The following TTN variants were observed in gnomAD, a reference collection of about 807,000 sequenced individuals.
TTN encodes titin, also known as connectin.
A neutral mutation model predicts 3,223.0 loss-of-function variants in TTN; 1,525 were observed. That is an observed-to-expected ratio of 0.47 (90% CI 0.45 to 0.49). The LOEUF is 0.49. Ranked by LOEUF, TTN falls within the 20% of genes least tolerant of loss-of-function variation. TTN has a pLI of 0.00. For missense variants in TTN, 40,786 were observed against 43,424.0 expected, an observed-to-expected ratio of 0.94 and a Z score of 5.40; for synonymous variants, 14,094 against 15,161.0, an observed-to-expected ratio of 0.93 and a Z score of 5.17.
intron 245 of TTN, 41 bp from the exon 246 acceptor site, chr2:178,621,409 T>C (rs775312930): frequency 6.2e-7 from 1 of 1,607,428 alleles, no homozygotes; most frequent in African/African-American, 1.3e-5. Context: ...ACATATGTCT[T>C]TGTACTTTAA....
rs1369481538 is a variant in TTN, at chr2:178,670,308, T to C, written c.35309-13A>G. On this transcript the variant is annotated splice_polypyrimidine_tract_variant and intron_variant, in intron 156 of 362. Transcript: ENST00000589042. ...GGCACCTCCGGTACTTTAAAGATAATAGTAATAATTTCTTTTATTTTTAAA... is the reference window on the plus strand; with the variant it reads ...GGCACCTCCGGTACTTTAAAGATAACAGTAATAATTTCTTTTATTTTTAAA... 1.2e-5 allele frequency: 16 copies of C among 1,377,966 alleles called. No individual in the cohort carries two copies. Among genetic ancestry groups the C allele is most frequent in the African/African-American group, 3.1e-5 (2 of 65,518 alleles). 85.4% of individuals were successfully genotyped at this position (1,377,966 alleles called of 1,614,324 possible).
rs2154244794 is a variant in TTN, at chr2:178,646,570, T to C, written c.40223-11A>G. 2.0e-6 allele frequency: 3 copies of C among 1,524,204 alleles called. No individual in the cohort carries two copies. The highest frequency in any genetic ancestry group is 1.4e-5 in the African/African-American group (1 of 72,640). The allele number at this position is 1,524,204 out of a possible 1,614,324, so 94.4% of individuals were successfully genotyped here. Reference sequence around the variant, plus strand: ...TTTCAATTTCACGTTCTTTAAAGAATGTTGACAAAGGAGATGAGGTTGCAA... The same window carrying C: ...TTTCAATTTCACGTTCTTTAAAGAACGTTGACAAAGGAGATGAGGTTGCAA... On this transcript the variant is annotated splice_polypyrimidine_tract_variant and intron_variant, in intron 215 of 362. Transcript: ENST00000589042.
Position 178,776,539 on chromosome 2 carries a change from A to T in TTN, c.5325T>A (p.Ile1775=). The stretch of plus-strand genomic sequence containing the variant: ...CATATTTGTTAGTGGCTCTGCAAGT[A>T]ATGATACCACTGTCTCTAGAATATG... ...GVAYSRDSGI[I]TCRATNKYGT... The change falls in exon 28 of 363, where the codon ATT becomes ATA. Residue 1775 remains isoleucine (I), a synonymous_variant. Coordinates refer to ENST00000589042, the MANE Select transcript of TTN (RefSeq NM_001267550.2). 1.9e-6 allele frequency: 3 copies of T among 1,611,262 alleles called. No homozygotes were observed. Among genetic ancestry groups the T allele is most frequent in the Non-Finnish European group, 2.5e-6 (3 of 1,179,992 alleles).
In TTN at chr2:178,766,635, A is replaced by AAC. The variant is rs1553988180; in HGVS notation, c.9472-24_9472-23insGT. ...GACCTGTTGATGGAACAACATAAAA[A>AAC]AACAACAACAACAACAAAAACTTGA... On this transcript the variant is annotated intron_variant, in intron 40 of 362. Transcript: ENST00000589042. The AAC allele has an allele frequency of 2.4e-5, 38 of 1,581,906 alleles. No individual in the cohort carries two copies. The Admixed American group carries it at 4.5e-4, about 19-fold the overall frequency.
At position 178,620,598 on chromosome 2, in the gene TTN, A is replaced by G; in HGVS notation, c.45923T>C (p.Leu15308Pro). ...EEEDLRIVEP[L>P]KDIETMEKKS... Reference sequence around the variant, plus strand: ...CTTCTCCATTGTTTCAATATCTTTAAGAGGCTCAACAATCCTAAGGTCTTC... The same window carrying G: ...CTTCTCCATTGTTTCAATATCTTTAGGAGGCTCAACAATCCTAAGGTCTTC... The change falls in exon 248 of 363, where the codon CTT (leucine) becomes CCT (proline). Residue 15308 changes from leucine (L) to proline (P), a missense_variant. Leu to Pro is a moderately conservative substitution (Grantham distance 98). Transcript: ENST00000589042. 6.2e-7 allele frequency: 1 copy of G among 1,610,448 alleles called. No homozygotes were observed.
chr2:178,732,003 G>A (rs2080619486), intron 57 of TTN, 32 bp from the exon 58 acceptor site: 1 of 1,592,046 alleles, frequency 6.3e-7, no homozygotes, highest in Non-Finnish European at 8.6e-7. Context: ...TTGCATTAAG[G>A]GAGGAGGGGT....
At chr2:178,789,250 TAAG>T in intron 13 of TTN, 107 bp downstream of exon 13, 6 of 1,473,124 alleles carry the variant, frequency 4.1e-6, no homozygotes, top group Non-Finnish European at 5.6e-6. Flanking sequence ...GACTCATACA[TAAG>T]AAATTCAGAG....
chr2:178,722,553 G>C lies in TTN; in HGVS notation c.22241-7C>G, dbSNP rs749798825. Reference sequence around the variant, plus strand: ...GAAGGTGGGAGTTGGCGCTCTGTAGGGAGACATGTAATACTTAAGGTGTTA... The same window carrying C: ...GAAGGTGGGAGTTGGCGCTCTGTAGCGAGACATGTAATACTTAAGGTGTTA... On this transcript the variant is annotated splice_polypyrimidine_tract_variant and splice_region_variant and intron_variant, in intron 76 of 362. Transcript: ENST00000589042. 6 of 1,608,658 alleles carry C rather than the reference G, an allele frequency of 3.7e-6. No homozygotes were observed. In the Admixed American group the frequency reaches 6.7e-5, roughly 18 times the overall value.
At chr2:178,682,504 A>G (rs988671285) in intron 135 of TTN, among the ~76,000 whole-genome samples, 193 bp downstream of exon 135, 2 of 152,054 alleles carry the variant, frequency 1.3e-5, no homozygotes, top group African/African-American at 2.4e-5. Context: ...TAACCTTAAG[A>G]TTTATAGAGG....
Position 178,549,585 on chromosome 2 carries a change from C to A in TTN, c.92137G>T (p.Ala30713Ser). ...GRPLDSDPVV[A>S]QIQYTVPDAP... The stretch of plus-strand genomic sequence containing the variant: ...GCAAACTTACTATATTGTATTTGAG[C>A]AACCACTGGATCAGAATCAAGTGGC... Residue 30713 changes from alanine to serine, a missense_variant, in exon 338 of 363, where the codon GCT becomes TCT. Coordinates refer to ENST00000589042, the MANE Select transcript of TTN (RefSeq NM_001267550.2). 1 of 1,612,404 alleles carries A rather than the reference C, an allele frequency of 6.2e-7. No homozygotes were observed. The highest frequency in any genetic ancestry group is 8.5e-7 in the Non-Finnish European group (1 of 1,178,604).
chr2:178,605,760 A>T (rs764770202), intron 278 of TTN, 47 bp from the exon 279 acceptor site: 19 of 1,361,154 alleles, frequency 1.4e-5, no homozygotes, highest in Non-Finnish European at 1.7e-5. Flanking sequence ...ATAAATATTC[A>T]TGTAAGAAAT....
In TTN at chr2:178,607,032, A is replaced by G. The variant is rs1352428551; in HGVS notation, c.53570T>C (p.Val17857Ala). The G allele has an allele frequency of 2.5e-6, 4 of 1,608,332 alleles. No individual in the cohort carries two copies. The highest frequency in any genetic ancestry group is 3.4e-6 in the Non-Finnish European group (4 of 1,178,206). The change falls in exon 278 of 363, where the codon GTT (valine) becomes GCT (alanine). Residue 17857 changes from valine (V) to alanine (A), a missense_variant. Transcript: ENST00000589042. ...ACCTTCTCTTTTACCTAGTGGATCA[A>G]CTGCAAGAATTGGTCCTATTTCAAC... is the stretch of plus-strand genomic sequence containing the variant. The part of the protein sequence containing the change: ...PPVEIGPILA[V>A]DPLGPPTSPE...
In TTN at chr2:178,704,928, CT is replaced by C; in HGVS notation, c.29642del (p.Lys9881ArgfsTer22). The stretch of plus-strand genomic sequence containing the variant: ...TAAATGATACAAGTTCCTCAAATTC[CT>C]TTTCGTCCCTCTCTGACCTCTCTAT... ...EEIERSERDEKEFEELVSFIQ... is the reference protein window; with the variant it reads ...EEIERSERDEXEFEELVSFIQ... On this transcript the variant is annotated frameshift_variant, in exon 104 of 363. Coordinates refer to ENST00000589042, the MANE Select transcript of TTN (RefSeq NM_001267550.2). LOFTEE classifies it high-confidence loss of function. 6.2e-7 allele frequency: 1 copy of C among 1,613,196 alleles called. No homozygotes were observed. Among genetic ancestry groups the C allele is most frequent in the Non-Finnish European group, 8.5e-7 (1 of 1,179,788 alleles).
chr2:178,684,293 A>C (rs1325299733), intron 132 of TTN, 37 bp downstream of exon 132: 18 of 1,599,072 alleles, frequency 1.1e-5, no homozygotes, highest in Non-Finnish European at 1.5e-5. Context: ...AGAGTAGGGC[A>C]AGTACAATAT....
intron 354 of TTN, chr2:178,538,235 T>C (rs945943048): frequency 8.7e-6 from 4 of 461,262 alleles, no homozygotes; most frequent in Admixed American, 3.9e-5. Flanking sequence ...CTTAGGTTCA[T>C]TGAAGTGGCA....
Position 178,590,254 on chromosome 2 carries a change from C to G in TTN, c.61471G>C (p.Gly20491Arg). ...CGAGCTAGAATGCGGATAGTTTGGCCTACTCTCACGGTAATAACATCACGA... is the reference window on the plus strand; with the variant it reads ...CGAGCTAGAATGCGGATAGTTTGGCGTACTCTCACGGTAATAACATCACGA... ...TCRDVITVRV[G>R]QTIRILARVK... The change falls in exon 304 of 363, where the codon GGC (glycine) becomes CGC (arginine). Residue 20491 changes from glycine to arginine, a missense_variant. Transcript: ENST00000589042. 1 of 1,583,460 alleles carries G rather than the reference C, an allele frequency of 6.3e-7. No individual in the cohort carries two copies. Among genetic ancestry groups the G allele is most frequent in the Non-Finnish European group, 8.6e-7 (1 of 1,165,156 alleles).
Position 178,663,947 on chromosome 2 carries a change from G to T in TTN, c.36365-45C>A, listed in dbSNP as rs754467830. On this transcript the variant is annotated intron_variant, in intron 169 of 362. Coordinates refer to ENST00000589042, the MANE Select transcript of TTN (RefSeq NM_001267550.2). ...ATTACATTTAGGTGTTATGAAGACC[G>T]CTAGAAAAAAATATTGTCAAGAGCA... The T allele has an allele frequency of 7.5e-5, 121 of 1,611,172 alleles. 2 individuals are homozygous for T. The highest frequency in any genetic ancestry group is 2.7e-4 in the South Asian group (25 of 90,952).
At chr2:178,652,977 T>C in intron 199 of TTN, 46 bp from the exon 200 acceptor site, 2 of 1,601,580 alleles carry the variant, frequency 1.2e-6, no homozygotes, top group Non-Finnish European at 1.7e-6. Flanking sequence ...TGAAGACCAC[T>C]AGAAAAGTAT....
chr2:178,674,414 A>G lies in TTN; in HGVS notation c.34613-5T>C, dbSNP rs763215282. ...CTTCTTCAGGCTCCTCAGTCACTTT[A>G]AAAAGATTATTATTTTGTAAATTAT... is the stretch of plus-strand genomic sequence containing the variant. On this transcript the variant is annotated splice_region_variant and splice_polypyrimidine_tract_variant and intron_variant, in intron 150 of 362. Transcript: ENST00000589042. The G allele has an allele frequency of 2.1e-6, 3 of 1,459,530 alleles. No homozygotes were observed. The highest frequency in any genetic ancestry group is 1.9e-6 in the Non-Finnish European group (2 of 1,077,368). 90.4% of individuals were successfully genotyped at this position (1,459,530 alleles called of 1,614,324 possible). A position where few individuals can be genotyped will look rare whatever the true frequency, so the allele number is the denominator to read the frequency against.
Sources: gnomAD v4.1 joint callset for allele counts (sites outside exome capture counted in the v4.1 genomes callset) on GRCh38, gnomAD v4.1.1 for gene constraint, MANE v1.5 for transcripts, NCBI Gene and HGNC (gene_info 2026-07-23, HGNC 2026-07-21) for gene names.